MRTFB: variants seen among roughly 807,000 people sequenced by gnomAD.
The protein encoded by MRTFB is myocardin-related transcription factor B.
MRTFB carries 29 observed loss-of-function variants against 104.2 expected under a neutral mutation model. The ratio of observed to expected loss-of-function variants is 0.28; its 90% CI spans 0.21 to 0.38. MRTFB has a LOEUF of 0.38. Among genes scored for constraint, MRTFB ranks in the 10% least tolerant of loss-of-function variants. MRTFB has a pLI of 1.00. For missense variants in MRTFB, 1,270 were observed against 1,341.6 expected (o/e 0.95, Z 0.83); for synonymous variants, 535 against 519.5 (o/e 1.03, Z -0.41).
chr16:14,047,598 T>C, the MRTFB span, among the ~76,000 whole-genome samples: 1 of 152,142 alleles, frequency 6.6e-6, no homozygotes, highest in African/African-American at 2.4e-5. Flanking sequence ...CTCACAATCA[T>C]GGCAGAAGGC....
intron 2 of MRTFB, among the ~76,000 whole-genome samples, chr16:14,100,044 G>A (rs1014451455): frequency 3.3e-5 from 5 of 152,108 alleles, no homozygotes; most frequent in Admixed American, 6.6e-5. Context: ...ATTTTTAAAC[G>A]AAGACAGTTT....
intron 3 of MRTFB, among the ~76,000 whole-genome samples, chr16:14,206,656 C>T (rs1239838053): frequency 1.3e-5 from 2 of 152,174 alleles, no homozygotes; most frequent in Non-Finnish European, 2.9e-5. Context: ...ATTCTTCTGC[C>T]TCAGCCTGCT....
chr16:14,233,939 ATT>A (rs2042383590), intron 8 of MRTFB, among the ~76,000 whole-genome samples: 1 of 152,084 alleles, frequency 6.6e-6, no homozygotes, highest in African/African-American at 2.4e-5. Context: ...GGCTTTAGTT[ATT>A]CACTGCTCTT....
At chr16:14,092,618 A>G (rs2035146012) in intron 2 of MRTFB, 1 of 151,188 alleles carries the variant, frequency 6.6e-6, no homozygotes, top group African/African-American at 2.4e-5. Context: ...ACAGATTATG[A>G]TTAGACTTGT....
chr16:14,077,420 C>G (rs1223974994), intron 1 of MRTFB, among the ~76,000 whole-genome samples: 2 of 151,686 alleles, frequency 1.3e-5, no homozygotes, highest in Non-Finnish European at 2.9e-5. Context: ...TCTGCACTTT[C>G]TATTCTATGA....
intron 3 of MRTFB, among the ~76,000 whole-genome samples, chr16:14,176,056 A>G (rs1442867969): frequency 1.3e-5 from 2 of 152,176 alleles, no homozygotes; most frequent in East Asian, 3.8e-4. Context: ...AAAACTCACT[A>G]TATACTTTAA....
chr16:14,003,809 G>A, the MRTFB span, among the ~76,000 whole-genome samples: 1 of 152,198 alleles, frequency 6.6e-6, no homozygotes, highest in Non-Finnish European at 1.5e-5. Flanking sequence ...AGGGAATGAG[G>A]CTGGATGTGA....
In MRTFB at chr16:14,234,267, G is replaced by T; in HGVS notation, c.815G>T (p.Gly272Val). The change falls in exon 9 of 17, where the codon GGC becomes GTC. Residue 272 changes from glycine to valine, a missense_variant. Coordinates refer to ENST00000571589, the MANE Select transcript of MRTFB (RefSeq NM_001308142.2). ...AACACTGTGTCCTCAGCAAAGCCTG[G>T]CCCAGCACTGGTGAAGGTGGGTACT... ...PTNTVSSAKPGPALVKQSHPK... is the reference protein window; with the variant it reads ...PTNTVSSAKPVPALVKQSHPK... The T allele has an allele frequency of 6.2e-7, 1 of 1,614,070 alleles. No homozygotes were observed. The highest frequency in any genetic ancestry group is 8.5e-7 in the Non-Finnish European group (1 of 1,179,988).
intron 1 of MRTFB, among the ~76,000 whole-genome samples, chr16:14,071,816 A>G (rs867353484): frequency 3.3e-5 from 5 of 151,452 alleles, no homozygotes; most frequent in African/African-American, 9.7e-5. Context: ...TCCTCTTCCC[A>G]CCTCCCACTC....
chr16:14,231,100 A>G, intron 8 of MRTFB, among the ~76,000 whole-genome samples: 1 of 146,222 alleles, frequency 6.8e-6, no homozygotes, highest in Non-Finnish European at 1.5e-5. Flanking sequence ...ACATGGACAC[A>G]GGAAGGGGAA....
intron 2 of MRTFB, among the ~76,000 whole-genome samples, chr16:14,112,231 G>A (rs73514912): frequency 7.2e-5 from 11 of 152,266 alleles, no homozygotes; most frequent in African/African-American, 1.9e-4. Flanking sequence ...TGGAGACCCC[G>A]GTGGGATTAA....
chr16:14,060,918 G>C, the MRTFB span, among the ~76,000 whole-genome samples: 128 of 152,254 alleles, frequency 8.4e-4, no homozygotes, highest in African/African-American at 2.6e-3. Flanking sequence ...AGGCCAAGGT[G>C]GGCAGATCAG....
chr16:14,118,240 C>T (rs2036646946), intron 2 of MRTFB, among the ~76,000 whole-genome samples: 2 of 151,136 alleles, frequency 1.3e-5, no homozygotes, highest in South Asian at 2.1e-4. Flanking sequence ...AGGCTCAAGT[C>T]ATCCTCCCGC....
chr16:14,248,697 T>G (rs1222237950), intron 12 of MRTFB: 1 of 407,342 alleles, frequency 2.5e-6, no homozygotes, highest in Non-Finnish European at 4.3e-6. Flanking sequence ...ATGAAAAATC[T>G]TAGCTACTTA....
intron 8 of MRTFB, among the ~76,000 whole-genome samples, chr16:14,226,569 A>G (rs2151272928): frequency 6.6e-6 from 1 of 152,354 alleles, no homozygotes; most frequent in Non-Finnish European, 1.5e-5. Context: ...AACTAAAACT[A>G]TAAAACTCTT....
At chr16:14,210,175 C>A in intron 3 of MRTFB, 68 bp from the exon 4 acceptor site, 1 of 1,246,440 alleles carries the variant, frequency 8.0e-7, no homozygotes, top group African/African-American at 1.5e-5. Context: ...TGCATCTCCT[C>A]TGGAATCACA....
chr16:14,110,279 A>C (rs2036204160), intron 2 of MRTFB, among the ~76,000 whole-genome samples: 1 of 152,134 alleles, frequency 6.6e-6, no homozygotes, highest in South Asian at 2.1e-4. Flanking sequence ...CCAAAACCAC[A>C]TGGCTGGTTC....
chr16:14,017,711 A>ATATATATATATATATATATTTTT, the MRTFB span, among the ~76,000 whole-genome samples: 1 of 33,612 alleles, frequency 3.0e-5, no homozygotes, highest in Non-Finnish European at 5.0e-5. Flanking sequence ...ATATATATAT[A>ATATATATATATATATATATTTTT]TTTTTTTTTT....
the MRTFB span, among the ~76,000 whole-genome samples, chr16:14,038,543 T>C: frequency 6.6e-6 from 1 of 152,208 alleles, no homozygotes; most frequent in Non-Finnish European, 1.5e-5. Context: ...TTAGTACTAA[T>C]GTGTCTTTAA....
Sources: allele counts gnomAD v4.1 joint callset (sites outside exome capture counted in the v4.1 genomes callset), GRCh38; gene constraint gnomAD v4.1.1; transcripts MANE v1.5; gene names NCBI Gene and HGNC (gene_info 2026-07-23, HGNC 2026-07-21).